Variants in RBFOX1 observed in about 807,000 individuals in gnomAD.
RBFOX1 encodes RNA binding fox-1 homolog 1, also known as RNA binding protein fox-1 homolog 1.
RBFOX1 carries 8 observed loss-of-function variants against 57.7 expected under a neutral mutation model. That is an observed-to-expected ratio of 0.14 (90% CI 0.08 to 0.25). RBFOX1 has a LOEUF of 0.25. Ranked by LOEUF, RBFOX1 falls within the 10% of genes least tolerant of loss-of-function variation. The pLI is 1.00. For synonymous variants in RBFOX1, 326 were observed against 222.4 expected, an observed-to-expected ratio of 1.47 and a Z score of -4.15; for missense variants, 611 against 548.5, an observed-to-expected ratio of 1.11 and a Z score of -1.14.
At position 6,826,760 on chromosome 16, in the gene RBFOX1, T is replaced by C. The variant is rs973835017; in HGVS notation, c.-16+172110T>C. Among the ~76,000 whole-genome samples, 6 of 152,326 alleles carry C rather than the reference T, an allele frequency of 3.9e-5. No homozygotes were observed. The South Asian group carries it at 1.0e-3, about 26-fold the overall frequency. On this transcript the variant is annotated intron_variant, in intron 3 of 15. Coordinates refer to ENST00000550418, the MANE Select transcript of RBFOX1 (RefSeq NM_018723.4). ...TCTTTAATAATTATCATATTGACTC[T>C]GAATTTATTATACTACAAGAATGAC...
chr16:6,434,604 A>T (rs2094184765), intron 2 of RBFOX1, among the ~76,000 whole-genome samples: 1 of 152,222 alleles, frequency 6.6e-6, no homozygotes, highest in African/African-American at 2.4e-5. Context: ...TATAATTTTG[A>T]ATCATGGTTC....
At chr16:5,343,743 G>T (rs2065083433) in intron 1 of RBFOX1, among the ~76,000 whole-genome samples, 1 of 152,198 alleles carries the variant, frequency 6.6e-6, no homozygotes, top group African/African-American at 2.4e-5. Context: ...ATGTCCGTAT[G>T]TAACAATATC....
intron 4 of RBFOX1, among the ~76,000 whole-genome samples, chr16:5,871,515 A>C (rs1196978014): frequency 1.3e-5 from 2 of 152,160 alleles, no homozygotes; most frequent in African/African-American, 4.8e-5. Context: ...TTTTATCGCA[A>C]AAACGCATAC....
intron 1 of RBFOX1, among the ~76,000 whole-genome samples, chr16:6,081,203 T>C (rs2095996084): frequency 6.6e-6 from 1 of 152,200 alleles, no homozygotes; most frequent in African/African-American, 2.4e-5. Flanking sequence ...CATTTAAATC[T>C]GAAACAAAAT....
chr16:6,936,788 C>A (rs548466677), intron 3 of RBFOX1, among the ~76,000 whole-genome samples: 4 of 152,028 alleles, frequency 2.6e-5, no homozygotes, highest in African/African-American at 9.7e-5. Flanking sequence ...ATTGTTGCCT[C>A]TTGAAAGCCT....
chr16:6,053,344 A>G (rs1365319255), intron 1 of RBFOX1, among the ~76,000 whole-genome samples: 1 of 152,212 alleles, frequency 6.6e-6, no homozygotes, highest in Non-Finnish European at 1.5e-5. Flanking sequence ...AAGAGTGGCT[A>G]ACACAATTAG....
At chr16:7,698,952 C>T (rs1336437227) in intron 14 of RBFOX1, among the ~76,000 whole-genome samples, 1 of 152,132 alleles carries the variant, frequency 6.6e-6, no homozygotes, top group Non-Finnish European at 1.5e-5. Context: ...AGTGCTGTAT[C>T]CATGCATGCA....
chr16:6,945,796 C>T (rs759913150), intron 3 of RBFOX1, among the ~76,000 whole-genome samples: 7 of 152,140 alleles, frequency 4.6e-5, no homozygotes, highest in Admixed American at 3.3e-4. Context: ...GAGGCCGAGA[C>T]GGGAGAATCG....
chr16:7,501,572 A>G (rs1008488683), intron 4 of RBFOX1, among the ~76,000 whole-genome samples: 1 of 152,244 alleles, frequency 6.6e-6, no homozygotes, highest in East Asian at 1.9e-4. Context: ...TATAGGTCCT[A>G]TGTCTCTGTG....
At chr16:5,848,963 CAAA>C (rs1178685997) in intron 3 of RBFOX1, among the ~76,000 whole-genome samples, 1 of 142,004 alleles carries the variant, frequency 7.0e-6, no homozygotes, top group East Asian at 2.1e-4. Context: ...AACAAAAAAA[CAAA>C]AAAACAACAA....
intron 4 of RBFOX1, among the ~76,000 whole-genome samples, chr16:7,260,613 C>A (rs926679192): frequency 2.0e-5 from 3 of 152,258 alleles, no homozygotes; most frequent in Admixed American, 6.5e-5. Flanking sequence ...GGTAAGATAA[C>A]AGAGTCTGGC....
intron 4 of RBFOX1, among the ~76,000 whole-genome samples, chr16:6,006,533 G>A (rs1056958659): frequency 6.6e-6 from 1 of 152,204 alleles, no homozygotes; most frequent in Non-Finnish European, 1.5e-5. Context: ...AAGAGATGGA[G>A]ACAGAAGGGT....
In RBFOX1 at chr16:6,749,019, A is replaced by G. The variant is rs569758712; in HGVS notation, c.-16+94369A>G. 9.8e-5 allele frequency: 15 copies of G among 152,300 alleles called. No individual in the cohort carries two copies. The South Asian group carries it at 2.3e-3, about 23-fold the overall frequency. The allele number at this position is 152,300 out of a possible 1,614,324, so 9.4% of individuals were successfully genotyped here. ...TTTTGAAAGGGAAGAATTAAAAATC[A>G]TGGGATTAAATGACAGGAGGAGCCA... On this transcript the variant is annotated intron_variant, in intron 3 of 15. Transcript: ENST00000550418.
intron 2 of RBFOX1, among the ~76,000 whole-genome samples, chr16:6,494,165 T>C (rs1310289361): frequency 1.3e-5 from 2 of 152,230 alleles, no homozygotes; most frequent in African/African-American, 4.8e-5. Context: ...CAAACTGTAG[T>C]ATCACATCGT....
chr16:6,062,048 C>T (rs540498376), intron 1 of RBFOX1, among the ~76,000 whole-genome samples: 4 of 152,116 alleles, frequency 2.6e-5, no homozygotes, highest in South Asian at 2.1e-4. Flanking sequence ...CACTGACGTG[C>T]GTTTACTGGT....
intron 2 of RBFOX1, among the ~76,000 whole-genome samples, chr16:6,363,648 C>A (rs1198686405): frequency 6.6e-6 from 1 of 152,270 alleles, no homozygotes; most frequent in East Asian, 1.9e-4. Context: ...AGACTAAATA[C>A]CATTTTTTAA....
At position 7,494,829 on chromosome 16, in the gene RBFOX1, A is replaced by AATTT. The variant is rs2068060701; in HGVS notation, c.28-23318_28-23317insATTT. On this transcript the variant is annotated intron_variant, in intron 4 of 15. Coordinates refer to ENST00000550418, the MANE Select transcript of RBFOX1 (RefSeq NM_018723.4). ...CTTAATATCAGGAACTGTGTTACCT[A>AATTT]CTTTTTTTTTTTTTTTTTTTGCACT... Among the ~76,000 whole-genome samples the AATTT allele has an allele frequency of 5.6e-3, 115 of 20,554 alleles. 1 individual carries two copies. The highest frequency in any genetic ancestry group is 0.018 in the African/African-American group (110 of 6,284). 13.5% of individuals were successfully genotyped at this position (20,554 alleles called of 152,430 possible). A position where few individuals can be genotyped will look rare whatever the true frequency, so the allele number is the denominator to read the frequency against.
intron 4 of RBFOX1, among the ~76,000 whole-genome samples, chr16:7,292,270 GTAT>G (rs1220168471): frequency 3.6e-5 from 4 of 110,116 alleles, no homozygotes; most frequent in South Asian, 5.4e-4. Flanking sequence ...GATATAGAAC[GTAT>G]TATATATCAT....
chr16:6,795,479 C>G (rs2083791945), intron 3 of RBFOX1, among the ~76,000 whole-genome samples: 5 of 151,944 alleles, frequency 3.3e-5, no homozygotes, highest in Admixed American at 3.3e-4. Flanking sequence ...TAAAGAGAGA[C>G]ATTGTTGGCT....
Sources: gnomAD v4.1 joint callset for allele counts (sites outside exome capture counted in the v4.1 genomes callset) on GRCh38, gnomAD v4.1.1 for gene constraint, MANE v1.5 for transcripts, NCBI Gene and HGNC (gene_info 2026-07-23, HGNC 2026-07-21) for gene names.